The following AGBL4 variants were observed in gnomAD, a reference collection of about 807,000 sequenced individuals.
The protein encoded by AGBL4 is AGBL carboxypeptidase 4, also known as cytosolic carboxypeptidase 6.
AGBL4 carries 58 observed loss-of-function variants against 66.4 expected under a neutral mutation model. The ratio of observed to expected loss-of-function variants is 0.87; its 90% CI spans 0.71 to 1.09. The LOEUF (loss-of-function observed/expected upper bound fraction) is 1.09. Ranked by LOEUF, AGBL4 falls within the 50% of genes least tolerant of loss-of-function variation. The pLI, the probability that AGBL4 is intolerant of heterozygous loss-of-function variation, is 0.00. For missense variants in AGBL4, 579 were observed against 631.0 expected, an observed-to-expected ratio of 0.92 and a Z score of 0.88; for synonymous variants, 234 against 222.9, an observed-to-expected ratio of 1.05 and a Z score of -0.44.
intron 2 of AGBL4, among the ~76,000 whole-genome samples, chr1:49,832,141 C>T (rs530548254): frequency 7.8e-4 from 118 of 151,232 alleles, no homozygotes; most frequent in Admixed American, 1.8e-3. Context: ...TGCTATCCCT[C>T]CCCCCTTCCC....
rs145089479 is a variant in AGBL4, at chr1:49,691,017, TTGA to T, written c.282+6293_282+6295del. 3.2e-3 allele frequency among the ~76,000 whole-genome samples: 487 copies of T among 151,976 alleles called. 1 individual carries two copies. Among genetic ancestry groups the T allele is most frequent in the South Asian group, 9.4e-3 (45 of 4,800 alleles). Reference sequence around the variant, plus strand: ...TGTATTCTTAACTAGTACATTTTGCTTGATGATGATGATGATGATGATGAGCAT... The same window carrying T: ...TGTATTCTTAACTAGTACATTTTGCTTGATGATGATGATGATGATGAGCAT... On this transcript the variant is annotated intron_variant, in intron 3 of 13. Coordinates refer to ENST00000371839, the MANE Select transcript of AGBL4 (RefSeq NM_032785.4).
At chr1:49,912,466 A>T (rs368057239) in intron 1 of AGBL4, among the ~76,000 whole-genome samples, 1 of 152,206 alleles carries the variant, frequency 6.6e-6, no homozygotes, top group Non-Finnish European at 1.5e-5. Context: ...ATTACCAAAC[A>T]TTATTCAAAG....
intron 5 of AGBL4, among the ~76,000 whole-genome samples, chr1:48,913,927 C>A (rs58011701): frequency 0.094 from 14,237 of 151,990 alleles, 763 homozygotes; most frequent in Non-Finnish European, 0.11. Context: ...GGGTTGGTTT[C>A]GAATCTGGGG....
chr1:49,215,682 T>G (rs999826281), intron 4 of AGBL4, among the ~76,000 whole-genome samples: 4 of 152,056 alleles, frequency 2.6e-5, no homozygotes, highest in African/African-American at 9.7e-5. Flanking sequence ...TTTGCACAAG[T>G]CTGGACACAA....
At chr1:48,850,688 C>G (rs1647013844) in intron 6 of AGBL4, among the ~76,000 whole-genome samples, 1 of 152,080 alleles carries the variant, frequency 6.6e-6, no homozygotes, top group Admixed American at 6.5e-5. Context: ...CAACACCTGA[C>G]TAATTTTCTG....
At chr1:49,745,971 A>G (rs1650955197) in intron 2 of AGBL4, among the ~76,000 whole-genome samples, 1 of 152,200 alleles carries the variant, frequency 6.6e-6, no homozygotes, top group East Asian at 1.9e-4. Flanking sequence ...AGGACAGACC[A>G]GAAATTATGC....
chr1:49,785,735 A>AT (rs1262678122), intron 2 of AGBL4, among the ~76,000 whole-genome samples: 2 of 151,794 alleles, frequency 1.3e-5, no homozygotes, highest in Non-Finnish European at 2.9e-5. Flanking sequence ...TACTCACAAA[A>AT]TTTAGCCCTC....
At chr1:49,728,198 C>T (rs1649172316) in intron 2 of AGBL4, among the ~76,000 whole-genome samples, 2 of 151,926 alleles carry the variant, frequency 1.3e-5, no homozygotes, top group Non-Finnish European at 2.9e-5. Flanking sequence ...TATCTGTTAC[C>T]GGAAGAAGGA....
chr1:48,742,620 T>C (rs1650086797), intron 6 of AGBL4: 1 of 1,549,662 alleles, frequency 6.5e-7, no homozygotes, highest in Non-Finnish European at 8.7e-7. Context: ...CTTAAAACAC[T>C]ACCTTGCCAT....
At chr1:49,560,151 A>G (rs1644002070) in intron 3 of AGBL4, among the ~76,000 whole-genome samples, 1 of 152,194 alleles carries the variant, frequency 6.6e-6, no homozygotes, top group Non-Finnish European at 1.5e-5. Context: ...CCAGGGACCA[A>G]TACTGGAGGA....
chr1:48,902,770 T>C (rs2148870874), intron 5 of AGBL4, among the ~76,000 whole-genome samples: 1 of 152,270 alleles, frequency 6.6e-6, no homozygotes, highest in Middle Eastern at 3.4e-3. Context: ...CCTTTGGCAA[T>C]TGAACCTTAC....
intron 3 of AGBL4, among the ~76,000 whole-genome samples, chr1:49,294,819 T>C (rs982159481): frequency 2.6e-5 from 4 of 152,152 alleles, no homozygotes; most frequent in Non-Finnish European, 5.9e-5. Context: ...CAAACTCACA[T>C]AGGTACCTCC....
chr1:48,723,620 T>C (rs978226113), intron 6 of AGBL4, among the ~76,000 whole-genome samples: 1 of 152,212 alleles, frequency 6.6e-6, no homozygotes, highest in East Asian at 1.9e-4. Context: ...TGAAACTACT[T>C]ACAGGTTTTA....
intron 3 of AGBL4, among the ~76,000 whole-genome samples, chr1:49,357,409 C>A (rs573853880): frequency 1.7e-4 from 26 of 152,278 alleles, no homozygotes; most frequent in African/African-American, 6.3e-4. Context: ...AGAACCAGAG[C>A]AAGCAATATT....
chr1:48,678,676 C>A (rs532402702), intron 6 of AGBL4, among the ~76,000 whole-genome samples: 1 of 152,302 alleles, frequency 6.6e-6, no homozygotes, highest in South Asian at 2.1e-4. Context: ...CTAGCTCTTG[C>A]GTTTTAATGG....
intron 4 of AGBL4, among the ~76,000 whole-genome samples, chr1:49,139,439 G>A (rs1646074809): frequency 6.6e-6 from 1 of 152,008 alleles, no homozygotes; most frequent in East Asian, 1.9e-4. Flanking sequence ...CTATGTGCTA[G>A]GCCCTATAAC....
intron 3 of AGBL4, among the ~76,000 whole-genome samples, chr1:49,563,937 C>T (rs992099860): frequency 7.9e-5 from 12 of 152,126 alleles, no homozygotes; most frequent in Non-Finnish European, 1.6e-4. Context: ...TCCATCTGGT[C>T]CTGGACTTTT....
chr1:49,049,034 T>G (rs1188733650), intron 4 of AGBL4, among the ~76,000 whole-genome samples: 1 of 152,116 alleles, frequency 6.6e-6, no homozygotes, highest in Non-Finnish European at 1.5e-5. Context: ...TCCTCACATT[T>G]CAGTTTGGCC....
chr1:48,909,739 G>A (rs1007346973), intron 5 of AGBL4, among the ~76,000 whole-genome samples: 6 of 152,144 alleles, frequency 3.9e-5, no homozygotes, highest in Non-Finnish European at 8.8e-5. Context: ...AAATACGTAC[G>A]AAACATACAG....
Sources: gnomAD v4.1 joint callset for allele counts (sites outside exome capture counted in the v4.1 genomes callset) on GRCh38, gnomAD v4.1.1 for gene constraint, MANE v1.5 for transcripts, NCBI Gene and HGNC (gene_info 2026-07-23, HGNC 2026-07-21) for gene names.